The following ZNF280B variants were observed in gnomAD, a reference collection of about 807,000 sequenced individuals.
The protein encoded by ZNF280B is zinc finger protein 280B, also known as suppressor of hairy wing homolog 2.
A neutral mutation model predicts 38.0 loss-of-function variants in ZNF280B; 16 were observed. The observed-to-expected ratio is 0.42, with a 90% confidence interval of 0.28 to 0.64. The LOEUF (loss-of-function observed/expected upper bound fraction) is 0.64, where lower values mean the gene tolerates loss of function less well. Among genes scored for constraint, ZNF280B ranks in the 30% least tolerant of loss-of-function variants. The pLI is 0.21. For missense variants in ZNF280B, 581 were observed against 639.6 expected, an observed-to-expected ratio of 0.91 and a Z score of 0.99; for synonymous variants, 253 against 230.6, an observed-to-expected ratio of 1.10 and a Z score of -0.88.
intron 3 of ZNF280B, among the ~76,000 whole-genome samples, chr22:22,490,854 G>A (rs2061579355): frequency 6.6e-6 from 1 of 151,182 alleles, no homozygotes; most frequent in African/African-American, 2.4e-5. Flanking sequence ...TTGGGTATCC[G>A]CATGGCTAGC....
At chr22:22,508,164 C>G (rs1432455630) in intron 1 of ZNF280B, among the ~76,000 whole-genome samples, 1 of 151,890 alleles carries the variant, frequency 6.6e-6, no homozygotes, top group Non-Finnish European at 1.5e-5. Flanking sequence ...CCGACAGCGA[C>G]GCAGTAAATG....
chr22:22,493,679 G>C (rs2061640917), intron 3 of ZNF280B, among the ~76,000 whole-genome samples: 1 of 151,852 alleles, frequency 6.6e-6, no homozygotes, highest in Non-Finnish European at 1.5e-5. Flanking sequence ...GCAACTTCTA[G>C]GTTTAGGTCC....
rs1467053966 is a variant in ZNF280B, at chr22:22,508,722, G to C, written c.-311C>G. On this transcript the variant is annotated 5_prime_UTR_variant, in exon 1 of 4. Coordinates refer to ENST00000626650, the MANE Select transcript of ZNF280B (RefSeq NM_080764.4). ...GCACCAGCCCCGGAGGCGCTCCCGG[G>C]GCACAGCCGGCGGCGACTACGCCTC... The C allele has an allele frequency of 6.6e-6, 1 of 151,880 alleles. No homozygotes were observed. Among genetic ancestry groups the C allele is most frequent in the South Asian group, 2.1e-4 (1 of 4,826 alleles). The allele number at this position is 151,880 out of a possible 1,614,324, so 9.4% of individuals were successfully genotyped here.
At chr22:22,502,947 G>A (rs1311171256) in intron 2 of ZNF280B, among the ~76,000 whole-genome samples, 1 of 151,990 alleles carries the variant, frequency 6.6e-6, no homozygotes, top group Non-Finnish European at 1.5e-5. Flanking sequence ...AAGAGAAGCA[G>A]AGGGAGATTT....
intron 2 of ZNF280B, among the ~76,000 whole-genome samples, chr22:22,501,057 A>C (rs1037488831): frequency 2.2e-4 from 33 of 148,670 alleles, no homozygotes; most frequent in African/African-American, 7.8e-4. Context: ...AACCAAAAAA[A>C]CAAAAAACAG....
At position 22,486,376 on chromosome 22, in the gene ZNF280B, T is replaced by G. The variant is rs2061501614; in HGVS notation, c.*1391A>C. ...AGCTTAACAGTGGGAAAACTAAATT[T>G]AGCCCAGTCCAGGAACTGGACAGAC... On this transcript the variant is annotated 3_prime_UTR_variant, in exon 4 of 4. Coordinates refer to ENST00000626650, the MANE Select transcript of ZNF280B (RefSeq NM_080764.4). The G allele has an allele frequency of 6.8e-6, 1 of 147,462 alleles. No individual in the cohort carries two copies. Among genetic ancestry groups the G allele is most frequent in the East Asian group, 2.0e-4 (1 of 5,068 alleles). 9.1% of individuals were successfully genotyped at this position (147,462 alleles called of 1,614,324 possible). A position where few individuals can be genotyped will look rare whatever the true frequency, so the allele number is the denominator to read the frequency against.
intron 3 of ZNF280B, among the ~76,000 whole-genome samples, chr22:22,493,308 A>C (rs1267378492): frequency 6.6e-6 from 1 of 151,948 alleles, no homozygotes. Flanking sequence ...TGCCCGGCCA[A>C]TCTGAAGATT....
chr22:22,488,681 G>C lies in ZNF280B; in HGVS notation c.718C>G (p.Pro240Ala). The C allele has an allele frequency of 6.2e-7, 1 of 1,613,720 alleles. No individual in the cohort carries two copies. The highest frequency in any genetic ancestry group is 2.2e-5 in the East Asian group (1 of 44,792). ...QNGAPFPAAF[P>A]KDNIHFKPIN... ...GGCTTGAAATGGATATTGTCCTTTGGAAAAGCTGCTGGAAAAGGTGCTCCA... is the reference window on the plus strand; with the variant it reads ...GGCTTGAAATGGATATTGTCCTTTGCAAAAGCTGCTGGAAAAGGTGCTCCA... The change falls in exon 4 of 4, where the codon CCA (proline) becomes GCA (alanine). Residue 240 changes from proline (P) to alanine (A), a missense_variant. Physicochemically the swap from Pro to Ala is conservative, Grantham distance 27. Coordinates refer to ENST00000626650, the MANE Select transcript of ZNF280B (RefSeq NM_080764.4).
At chr22:22,507,897 G>C (rs2061971874) in intron 1 of ZNF280B, 27 bp from the exon 2 acceptor site, 2 of 151,946 alleles carry the variant, frequency 1.3e-5, no homozygotes. Context: ...AGAAGCATTA[G>C]TTACTTACAT....
At chr22:22,491,477 G>A (rs112169437) in intron 3 of ZNF280B, among the ~76,000 whole-genome samples, 2 of 49,064 alleles carry the variant, frequency 4.1e-5, no homozygotes, top group African/African-American at 1.5e-4. Flanking sequence ...TTTTTTTTTT[G>A]AGACGGAGTC....
intron 2 of ZNF280B, among the ~76,000 whole-genome samples, chr22:22,498,513 G>C (rs1211947635): frequency 6.6e-6 from 1 of 151,728 alleles, no homozygotes; most frequent in Non-Finnish European, 1.5e-5. Context: ...AGGAACTAAT[G>C]AACTGACTCA....
chr22:22,492,084 T>A (rs2061606103), intron 3 of ZNF280B, among the ~76,000 whole-genome samples: 2 of 152,006 alleles, frequency 1.3e-5, no homozygotes, highest in Non-Finnish European at 2.9e-5. Flanking sequence ...TTCCTATAAA[T>A]ATGTGTATCA....
intron 2 of ZNF280B, among the ~76,000 whole-genome samples, chr22:22,496,637 G>T (rs560870344): frequency 3.3e-5 from 5 of 151,594 alleles, no homozygotes; most frequent in Non-Finnish European, 7.4e-5. Flanking sequence ...TATTTGTGGG[G>T]GTGGGGGACA....
intron 2 of ZNF280B, among the ~76,000 whole-genome samples, chr22:22,496,817 CTTT>C (rs398036598): frequency 6.1e-5 from 8 of 131,756 alleles, no homozygotes; most frequent in Admixed American, 1.5e-4. Context: ...GGGATCTACT[CTTT>C]TTTTTTTTTT....
At position 22,484,598 on chromosome 22, in the gene ZNF280B, A is replaced by C. The variant is rs1432937584; in HGVS notation, c.*3169T>G. 2.0e-5 allele frequency: 3 copies of C among 152,426 alleles called. No individual in the cohort carries two copies. The highest frequency in any genetic ancestry group is 7.2e-5 in the African/African-American group (3 of 41,384). 9.4% of individuals were successfully genotyped at this position (152,426 alleles called of 1,614,324 possible). On this transcript the variant is annotated 3_prime_UTR_variant, in exon 4 of 4. Coordinates refer to ENST00000626650, the MANE Select transcript of ZNF280B (RefSeq NM_080764.4). ...TATTCAATATATTTGTAAACAAAAC[A>C]AAGTGACATTGCCTTAAAAATATAT...
rs2061516642 is a variant in ZNF280B at position 22,487,471 on chromosome 22, A to T, written c.*296T>A. 1 of 164,218 alleles carries T rather than the reference A, an allele frequency of 6.1e-6. No homozygotes were observed. Among genetic ancestry groups the T allele is most frequent in the Non-Finnish European group, 1.3e-5 (1 of 78,088 alleles). 10.2% of individuals were successfully genotyped at this position (164,218 alleles called of 1,614,324 possible). ...GTAAAAAAAAAAAAAAAAAAAAAAA[A>T]AAAAATTAAAATTAAAAAAATAAAT... is the stretch of plus-strand genomic sequence containing the variant. On this transcript the variant is annotated 3_prime_UTR_variant, in exon 4 of 4. Transcript: ENST00000626650.
intron 3 of ZNF280B, among the ~76,000 whole-genome samples, chr22:22,492,415 C>A (rs1054437123): frequency 2.6e-5 from 4 of 151,884 alleles, no homozygotes; most frequent in African/African-American, 9.7e-5. Context: ...CATCTGTGAT[C>A]TCTACCCACT....
intron 2 of ZNF280B, among the ~76,000 whole-genome samples, chr22:22,504,305 C>T (rs1015826891): frequency 2.6e-5 from 4 of 151,708 alleles, no homozygotes; most frequent in Admixed American, 1.3e-4. Context: ...TGGTGGCACA[C>T]GCCTGTAATC....
At chr22:22,489,497 G>A in intron 3 of ZNF280B, 31 bp from the exon 4 acceptor site, 2 of 1,025,634 alleles carry the variant, frequency 2.0e-6, no homozygotes, top group African/African-American at 3.2e-5. Context: ...GTAAGTACAG[G>A]AAAATGCATT....
Sources: allele counts gnomAD v4.1 joint callset (sites outside exome capture counted in the v4.1 genomes callset), GRCh38; gene constraint gnomAD v4.1.1; transcripts MANE v1.5; gene names NCBI Gene and HGNC (gene_info 2026-07-23, HGNC 2026-07-21).